Variants in ANAPC4 observed in about 807,000 individuals in gnomAD.
The protein encoded by ANAPC4 is anaphase promoting complex subunit 4, also known as anaphase-promoting complex subunit 4.
Under a neutral mutation model 119.8 loss-of-function variants are expected in ANAPC4, and 63 were observed. The observed-to-expected ratio is 0.53, with a 90% CI of 0.43 to 0.65. The LOEUF (loss-of-function observed/expected upper bound fraction) is 0.65, where lower values mean the gene tolerates loss of function less well. Ranked by LOEUF, ANAPC4 falls within the 30% of genes least tolerant of loss-of-function variation. The pLI, the probability that ANAPC4 is intolerant of heterozygous loss-of-function variation, is 0.00. For synonymous variants in ANAPC4, 283 were observed against 318.6 expected (o/e 0.89, Z 1.19); for missense variants, 716 against 945.1 (o/e 0.76, Z 3.18).
At chr4:25,392,305 A>C (rs1411983097) in intron 9 of ANAPC4, 33 bp from the exon 10 acceptor site, 4 of 1,462,368 alleles carry the variant, frequency 2.7e-6, no homozygotes. Flanking sequence ...AGTGCATCTG[A>C]TGATGACTCA....
intron 23 of ANAPC4, 34 bp from the exon 24 acceptor site, chr4:25,414,432 A>T: frequency 6.3e-7 from 1 of 1,598,016 alleles, no homozygotes. Flanking sequence ...AGCCAATTTA[A>T]ATTTTTCTCA....
At position 25,377,418 on chromosome 4, in the gene ANAPC4, G is replaced by A. The variant is rs1231489134; in HGVS notation, c.-10G>A. On this transcript the variant is annotated splice_region_variant and 5_prime_UTR_variant, in exon 2 of 29. Transcript: ENST00000315368. ...GCCTCTGACTGGGGTGTCGTTGCAG[G>A]GCCGTCCCCATGTTGCGTTTTCCGA... 6.2e-7 allele frequency: 1 copy of A among 1,613,860 alleles called. No individual in the cohort carries two copies. The highest frequency in any genetic ancestry group is 1.7e-5 in the Admixed American group (1 of 60,024).
intron 2 of ANAPC4, among the ~76,000 whole-genome samples, chr4:25,378,925 T>A (rs1187933328): frequency 1.3e-5 from 2 of 152,146 alleles, no homozygotes; most frequent in African/African-American, 4.8e-5. Context: ...AGAGTTGAAG[T>A]TACGTGCAAG....
intron 19 of ANAPC4, 63 bp downstream of exon 19, chr4:25,406,948 C>T: frequency 7.8e-7 from 1 of 1,278,512 alleles, no homozygotes; most frequent in Non-Finnish European, 1.1e-6. Context: ...TGGATAATGA[C>T]AAGACATAAT....
chr4:25,409,559 A>G, intron 20 of ANAPC4, 139 bp from the exon 21 acceptor site: 1 of 593,756 alleles, frequency 1.7e-6, no homozygotes, highest in Non-Finnish European at 2.9e-6. Flanking sequence ...AAGTTAAAAA[A>G]GTGTTAAAAA....
intron 4 of ANAPC4, among the ~76,000 whole-genome samples, chr4:25,383,658 A>G (rs1231501147): frequency 6.6e-6 from 1 of 152,132 alleles, no homozygotes; most frequent in Non-Finnish European, 1.5e-5. Context: ...AGTCATTTGA[A>G]TTTCTTTGTT....
intron 4 of ANAPC4, among the ~76,000 whole-genome samples, chr4:25,385,101 G>A (rs1441198970): frequency 2.0e-5 from 3 of 152,158 alleles, no homozygotes; most frequent in South Asian, 2.1e-4. Flanking sequence ...GTTAAGGGCT[G>A]TAGGATTTTC....
rs753140651 is a variant in ANAPC4, at chr4:25,393,818, C to T, written c.803C>T (p.Ser268Leu). 5 of 1,597,200 alleles carry T rather than the reference C, an allele frequency of 3.1e-6. No homozygotes were observed. Among genetic ancestry groups the T allele is most frequent in the African/African-American group, 1.3e-5 (1 of 74,180 alleles). The stretch of plus-strand genomic sequence containing the variant: ...TTTTGCTAATAGTATATAAATTTGT[C>T]ACTAACATGTATGTGTGAAGCATGG... ...ISALLQYINLSLTCMCEAWEE... is the reference protein window; with the variant it reads ...ISALLQYINLLLTCMCEAWEE... The change falls in exon 11 of 29, where the codon TCA becomes TTA. Residue 268 changes from serine to leucine, a missense_variant. By Grantham distance (145) the Ser-to-Leu change is moderately radical (BLOSUM62 -2). Around this residue, in one of 3 missense-constraint regions of ANAPC4, gnomAD observed 10 missense variants for 35.8 expected, o/e 0.28. Transcript: ENST00000315368.
intron 25 of ANAPC4, 186 bp from the exon 26 acceptor site, chr4:25,415,280 A>G (rs757042295): frequency 3.1e-5 from 14 of 453,918 alleles, no homozygotes; most frequent in East Asian, 1.4e-4. Context: ...TTCTATTCCA[A>G]ATGTCTTTGG....
chr4:25,413,133 A>AAG (rs1177496081), intron 21 of ANAPC4: 2 of 152,100 alleles, frequency 1.3e-5, no homozygotes, highest in African/African-American at 4.8e-5. Flanking sequence ...AATAAAAAAA[A>AAG]AGGTATTTTA....
intron 16 of ANAPC4, among the ~76,000 whole-genome samples, chr4:25,397,294 T>G (rs1722711442): frequency 6.6e-6 from 1 of 152,208 alleles, no homozygotes; most frequent in African/African-American, 2.4e-5. Flanking sequence ...ATTGTCTGTT[T>G]TTTCTGCATC....
intron 9 of ANAPC4, 47 bp downstream of exon 9, chr4:25,391,062 CA>C: frequency 7.2e-7 from 1 of 1,392,152 alleles, no homozygotes; most frequent in Non-Finnish European, 1.0e-6. Flanking sequence ...ATGTATTTAA[CA>C]GGTTTTATAT....
Position 25,396,793 on chromosome 4 carries a change from A to G in ANAPC4, c.1162+29A>G, listed in dbSNP as rs372285000. 197 of 1,609,912 alleles carry G rather than the reference A, an allele frequency of 1.2e-4. No homozygotes were observed. The African/African-American group carries it at 2.4e-3, about 20-fold the overall frequency. ...GTGATTTAATTTCTCAGTGAAATACATTAAACACAGTTTACTTATTTGACA... is the reference window on the plus strand; with the variant it reads ...GTGATTTAATTTCTCAGTGAAATACGTTAAACACAGTTTACTTATTTGACA... On this transcript the variant is annotated intron_variant, in intron 15 of 28. Coordinates refer to ENST00000315368, the MANE Select transcript of ANAPC4 (RefSeq NM_013367.3).
chr4:25,396,608 A>G (rs771447028), intron 14 of ANAPC4, 56 bp from the exon 15 acceptor site: 125 of 1,249,216 alleles, frequency 1.0e-4, no homozygotes, highest in Non-Finnish European at 1.4e-4. Flanking sequence ...TATTCAGGCA[A>G]GTTAGTCACT....
chr4:25,415,363 G>C, intron 25 of ANAPC4, 103 bp from the exon 26 acceptor site: 1 of 851,270 alleles, frequency 1.2e-6, no homozygotes, highest in South Asian at 1.8e-5. Flanking sequence ...TTCTAAAGAA[G>C]TACATGTACT....
chr4:25,377,455 T>C lies in ANAPC4; in HGVS notation c.28T>C (p.Ser10Pro), dbSNP rs747148002. 1 of 1,614,090 alleles carries C rather than the reference T, an allele frequency of 6.2e-7. No homozygotes were observed. The highest frequency in any genetic ancestry group is 1.1e-5 in the South Asian group (1 of 91,076). ...GTTGCGTTTTCCGACCTGTTTCCCATCCTTCCGGGTGGTGGGAGAGAAGCA... is the reference window on the plus strand; with the variant it reads ...GTTGCGTTTTCCGACCTGTTTCCCACCCTTCCGGGTGGTGGGAGAGAAGCA... MLRFPTCFP[S>P]FRVVGEKQLP... The change falls in exon 2 of 29, where the codon TCC (serine) becomes CCC (proline). Residue 10 changes from serine (S) to proline (P), a missense_variant. Physicochemically the swap from Ser to Pro is moderately conservative, Grantham distance 74 (BLOSUM62 -1). Transcript: ENST00000315368.
chr4:25,398,024 C>T (rs894979962), intron 16 of ANAPC4, among the ~76,000 whole-genome samples: 2 of 152,112 alleles, frequency 1.3e-5, no homozygotes, highest in African/African-American at 2.4e-5. Flanking sequence ...CCTCAGCCTC[C>T]TGAGGAGCTG....
Position 25,381,351 on chromosome 4 carries a change from T to C in ANAPC4, c.235+872T>C, listed in dbSNP as rs537632506. Among the ~76,000 whole-genome samples, 50 of 151,510 alleles carry C rather than the reference T, an allele frequency of 3.3e-4. 1 individual carries two copies. The highest frequency in any genetic ancestry group is 1.2e-3 in the African/African-American group (49 of 40,886). On this transcript the variant is annotated intron_variant, in intron 3 of 28. Coordinates refer to ENST00000315368, the MANE Select transcript of ANAPC4 (RefSeq NM_013367.3). ...TCGCCCAGGCTGGAGTGCAGTGCAG[T>C]GGTGCAATCTCGGCTCACTGCAACC...
intron 16 of ANAPC4, among the ~76,000 whole-genome samples, chr4:25,397,415 TCTC>T (rs919847841): frequency 6.6e-6 from 1 of 152,068 alleles, no homozygotes; most frequent in Non-Finnish European, 1.5e-5. Flanking sequence ...GTGGTCCAGT[TCTC>T]CTGCACGGCT....
Sources: allele counts gnomAD v4.1 joint callset (sites outside exome capture counted in the v4.1 genomes callset), GRCh38; gene constraint gnomAD v4.1.1; regional missense constraint gnomAD v4.1.1; transcripts MANE v1.5; gene names NCBI Gene and HGNC (gene_info 2026-07-23, HGNC 2026-07-21).